The following AATF variants were observed in gnomAD, a reference collection of about 807,000 sequenced individuals.
The protein encoded by AATF is protein AATF.
In AATF, 48 loss-of-function variants were observed where a neutral mutation model predicts 63.7. The observed-to-expected ratio is 0.75, with a 90% CI of 0.60 to 0.96. The LOEUF (loss-of-function observed/expected upper bound fraction) is 0.96. AATF is among the 40% of genes least tolerant of loss of function. The pLI, the probability that AATF is intolerant of heterozygous loss-of-function variation, is 0.00. For missense variants in AATF, 639 were observed against 685.7 expected (o/e 0.93, Z 0.76); for synonymous variants, 258 against 247.7 (o/e 1.04, Z -0.39).
rs1409907419 is a variant in AATF at position 36,950,299 on chromosome 17, G to A, written c.177G>A (p.Leu59=). The change falls in exon 2 of 12, where the codon CTG becomes CTA. Residue 59 remains leucine (L), a synonymous_variant. Coordinates refer to ENST00000619387, the MANE Select transcript of AATF (RefSeq NM_012138.4). ...TAGTAGTGGGTAGCATTAGAAAACT[G>A]GCATCAGCCTCCCTCTTGGACACGG... The part of the protein sequence containing the change: ...DFLVVGSIRK[L]ASASLLDTDK... 1 of 1,614,136 alleles carries A rather than the reference G, an allele frequency of 6.2e-7. No individual in the cohort carries two copies. Among genetic ancestry groups the A allele is most frequent in the Non-Finnish European group, 8.5e-7 (1 of 1,180,022 alleles).
intron 4 of AATF, among the ~76,000 whole-genome samples, chr17:36,985,766 G>A (rs1406880121): frequency 3.3e-5 from 5 of 151,624 alleles, no homozygotes; most frequent in Non-Finnish European, 2.9e-5. Context: ...GGCTAGGCTG[G>A]TCTCAAACTC....
rs191291056 is a variant in AATF, at chr17:37,033,477, C to T, written c.1619+1792C>T. On this transcript the variant is annotated intron_variant, in intron 11 of 11. Coordinates refer to ENST00000619387, the MANE Select transcript of AATF (RefSeq NM_012138.4). ...AATCATTCAGAAATCAACTTTATGC[C>T]ATTCTTAGTTGGAATTTTACTTGAA... 3.9e-4 allele frequency among the ~76,000 whole-genome samples: 60 copies of T among 152,248 alleles called. 3 individuals carry two copies. The highest frequency in any genetic ancestry group is 3.7e-3 in the Admixed American group (57 of 15,294).
chr17:37,035,541 C>CT (rs767344407), intron 11 of AATF, among the ~76,000 whole-genome samples: 414 of 143,042 alleles, frequency 2.9e-3, no homozygotes, highest in African/African-American at 5.9e-3. Flanking sequence ...GTGTTTCCAA[C>CT]TTTTTTTTTT....
intron 4 of AATF, among the ~76,000 whole-genome samples, chr17:36,980,898 CTTT>C (rs1234706804): frequency 6.0e-5 from 8 of 132,912 alleles, no homozygotes; most frequent in Non-Finnish European, 4.9e-5. Context: ...CTTTGATAAA[CTTT>C]TTTTTTTTTT....
chr17:37,000,982 T>A (rs1210399103), intron 8 of AATF, among the ~76,000 whole-genome samples: 1 of 151,308 alleles, frequency 6.6e-6, no homozygotes. Context: ...AAAGGTAAAT[T>A]CAGTATTATC....
intron 4 of AATF, among the ~76,000 whole-genome samples, chr17:36,967,634 A>G (rs1291481266): frequency 6.6e-6 from 1 of 151,752 alleles, no homozygotes; most frequent in African/African-American, 2.4e-5. Context: ...CTCCTATTCC[A>G]GAGTCTTTCT....
chr17:36,973,998 G>A (rs1027058493), intron 4 of AATF, among the ~76,000 whole-genome samples: 3 of 151,982 alleles, frequency 2.0e-5, no homozygotes, highest in African/African-American at 7.3e-5. Flanking sequence ...GAACCTGGGA[G>A]GTGGAGGTTG....
intron 8 of AATF, among the ~76,000 whole-genome samples, chr17:36,991,424 C>T (rs1180786482): frequency 1.3e-5 from 2 of 152,074 alleles, no homozygotes; most frequent in African/African-American, 4.8e-5. Context: ...GTCCAGTTCT[C>T]AATATGTTTT....
chr17:37,029,113 A>G (rs2071532871), intron 10 of AATF, among the ~76,000 whole-genome samples: 1 of 152,170 alleles, frequency 6.6e-6, no homozygotes, highest in South Asian at 2.1e-4. Context: ...CTGAGCTACA[A>G]AGCCCAGACC....
At chr17:37,045,682 A>ACAGC (rs1406146221) in intron 11 of AATF, 1 of 152,326 alleles carries the variant, frequency 6.6e-6, no homozygotes, top group Non-Finnish European at 1.5e-5. Context: ...ACACAACTGT[A>ACAGC]CAGCCAGACA....
chr17:36,983,053 A>G (rs1041341148), intron 4 of AATF, among the ~76,000 whole-genome samples: 1 of 151,678 alleles, frequency 6.6e-6, no homozygotes, highest in Non-Finnish European at 1.5e-5. Flanking sequence ...TAAAAATTTT[A>G]TTGTTAGAGA....
chr17:37,034,556 C>G (rs1220149289), intron 11 of AATF: 1 of 151,890 alleles, frequency 6.6e-6, no homozygotes, highest in Non-Finnish European at 1.5e-5. Flanking sequence ...GTGCCGGGGG[C>G]ATAGAGAATT....
intron 4 of AATF, among the ~76,000 whole-genome samples, chr17:36,956,160 T>C (rs961950979): frequency 2.0e-5 from 3 of 152,192 alleles, no homozygotes; most frequent in South Asian, 2.1e-4. Flanking sequence ...CTTTACCTCA[T>C]TGATGAACCT....
intron 11 of AATF, among the ~76,000 whole-genome samples, chr17:37,048,183 G>A (rs2071710635): frequency 1.3e-5 from 2 of 152,004 alleles, no homozygotes; most frequent in Admixed American, 1.3e-4. Flanking sequence ...GGGATGTTAA[G>A]AGGAGAGTGA....
intron 10 of AATF, among the ~76,000 whole-genome samples, chr17:37,023,146 G>A (rs1056023300): frequency 6.6e-6 from 1 of 152,086 alleles, no homozygotes; most frequent in Non-Finnish European, 1.5e-5. Context: ...ACTCTGTCTG[G>A]TGATATGATT....
At chr17:37,002,481 C>CA (rs1424107506) in intron 8 of AATF, among the ~76,000 whole-genome samples, 1 of 150,382 alleles carries the variant, frequency 6.6e-6, no homozygotes, top group Non-Finnish European at 1.5e-5. Context: ...TCCTGGCTAA[C>CA]ACGGTGAAAC....
chr17:37,041,909 A>G (rs907803224), intron 11 of AATF, among the ~76,000 whole-genome samples: 1 of 152,246 alleles, frequency 6.6e-6, no homozygotes, highest in African/African-American at 2.4e-5. Context: ...ATAATATGGT[A>G]GGCAGTGGGC....
At chr17:36,990,711 G>T (rs1002776048) in intron 7 of AATF, 63 bp from the exon 8 acceptor site, 1 of 956,738 alleles carries the variant, frequency 1.0e-6, no homozygotes, top group African/African-American at 1.7e-5. Flanking sequence ...ATTATTTATA[G>T]TAGCTACATT....
intron 4 of AATF, among the ~76,000 whole-genome samples, chr17:36,973,438 A>G (rs1044323138): frequency 6.6e-6 from 1 of 152,208 alleles, no homozygotes; most frequent in African/African-American, 2.4e-5. Flanking sequence ...AACTCTTTTC[A>G]TCTGAGGGTT....
Sources: gnomAD v4.1 joint callset for allele counts (sites outside exome capture counted in the v4.1 genomes callset) on GRCh38, gnomAD v4.1.1 for gene constraint, MANE v1.5 for transcripts, NCBI Gene and HGNC (gene_info 2026-07-23, HGNC 2026-07-21) for gene names.